The following CTNNA3 variants were observed in gnomAD, a reference collection of about 807,000 sequenced individuals.
The protein encoded by CTNNA3 is catenin alpha 3.
A neutral mutation model predicts 95.7 loss-of-function variants in CTNNA3; 76 were observed. The observed-to-expected ratio is 0.79, with a 90% CI of 0.66 to 0.96. CTNNA3 has a LOEUF of 0.96. CTNNA3 is among the 40% of genes least tolerant of loss of function. The probability of loss-of-function intolerance (pLI) is 0.00; values close to 1 mark genes in which losing one functional copy is unlikely to be tolerated. For synonymous variants in CTNNA3, 431 were observed against 374.4 expected (o/e 1.15, Z -1.74); for missense variants, 1,191 against 1,089.8 (o/e 1.09, Z -1.31).
intron 5 of CTNNA3, among the ~76,000 whole-genome samples, chr10:67,399,644 C>T (rs994888520): frequency 6.6e-6 from 1 of 152,164 alleles, no homozygotes; most frequent in Non-Finnish European, 1.5e-5. Context: ...TCTTCACCAC[C>T]CAACTCACAT....
At chr10:66,321,689 AT>A (rs1407809240) in intron 12 of CTNNA3, among the ~76,000 whole-genome samples, 2 of 152,154 alleles carry the variant, frequency 1.3e-5, no homozygotes, top group East Asian at 1.9e-4. Context: ...GATATAACAT[AT>A]TTTTATACTC....
chr10:67,248,342 A>C (rs1204069149), intron 5 of CTNNA3, among the ~76,000 whole-genome samples: 1 of 152,172 alleles, frequency 6.6e-6, no homozygotes, highest in East Asian at 1.9e-4. Context: ...TGTCAAAGAA[A>C]AAAAGAACAA....
At chr10:67,086,802 ATC>A (rs1857336937) in intron 7 of CTNNA3, among the ~76,000 whole-genome samples, 1 of 152,020 alleles carries the variant, frequency 6.6e-6, no homozygotes, top group Non-Finnish European at 1.5e-5. Flanking sequence ...AAACACTAGT[ATC>A]TGTTATGTTT....
chr10:67,251,511 A>G (rs1203555260), intron 5 of CTNNA3, among the ~76,000 whole-genome samples: 1 of 152,192 alleles, frequency 6.6e-6, no homozygotes, highest in Non-Finnish European at 1.5e-5. Flanking sequence ...GTTAGAAATA[A>G]AGACAAAGAC....
At chr10:67,076,997 CTT>C (rs1446601393) in intron 7 of CTNNA3, among the ~76,000 whole-genome samples, 2 of 152,212 alleles carry the variant, frequency 1.3e-5, no homozygotes, top group South Asian at 2.1e-4. Flanking sequence ...TGCATTGTCT[CTT>C]GTTTCAGGCA....
At chr10:67,413,604 C>G (rs1357056868) in intron 5 of CTNNA3, among the ~76,000 whole-genome samples, 2 of 151,992 alleles carry the variant, frequency 1.3e-5, no homozygotes, top group Non-Finnish European at 2.9e-5. Context: ...ATAAAGCACT[C>G]CATCCAACAA....
intron 7 of CTNNA3, among the ~76,000 whole-genome samples, chr10:67,082,153 G>T (rs1208322293): frequency 6.6e-6 from 1 of 152,038 alleles, no homozygotes; most frequent in Non-Finnish European, 1.5e-5. Flanking sequence ...AAAAAACAGA[G>T]AATTTTTATA....
chr10:66,519,155 T>C lies in CTNNA3; in HGVS notation c.1531+1462A>G, dbSNP rs1246281361. On this transcript the variant is annotated intron_variant, in intron 11 of 17. Coordinates refer to ENST00000433211, the MANE Select transcript of CTNNA3 (RefSeq NM_013266.4). ...TAATTTATTTTAGACAGAGGATTAC[T>C]TTTTGAGAGAATAAAAAAGACGAAA... Among the ~76,000 whole-genome samples the C allele has an allele frequency of 2.0e-5, 3 of 152,104 alleles. No individual in the cohort carries two copies. The East Asian group carries it at 5.8e-4, about 29-fold the overall frequency.
intron 5 of CTNNA3, among the ~76,000 whole-genome samples, chr10:67,347,823 T>A (rs556895315): frequency 7.1e-5 from 9 of 126,508 alleles, no homozygotes; most frequent in Admixed American, 4.6e-4. Context: ...TAAAATTTAG[T>A]GTTTTCCTGA....
intron 10 of CTNNA3, among the ~76,000 whole-genome samples, chr10:66,578,484 A>G (rs1025032594): frequency 2.0e-5 from 3 of 152,030 alleles, no homozygotes; most frequent in African/African-American, 7.2e-5. Flanking sequence ...ATTTAGAGAT[A>G]TGTTCTATTG....
intron 7 of CTNNA3, among the ~76,000 whole-genome samples, chr10:66,850,584 T>A (rs1001305414): frequency 6.6e-6 from 1 of 152,242 alleles, no homozygotes; most frequent in East Asian, 1.9e-4. Context: ...TGGTAGTGTA[T>A]CCTATATGAT....
intron 7 of CTNNA3, among the ~76,000 whole-genome samples, chr10:66,900,988 G>GT (rs1845718494): frequency 6.6e-6 from 1 of 152,188 alleles, no homozygotes; most frequent in African/African-American, 2.4e-5. Flanking sequence ...CCCCAGTCTA[G>GT]CAAAGCAGGC....
At chr10:67,591,959 A>G (rs1842801226) in intron 3 of CTNNA3, among the ~76,000 whole-genome samples, 1 of 152,174 alleles carries the variant, frequency 6.6e-6, no homozygotes, top group African/African-American at 2.4e-5. Flanking sequence ...CCCAACCTTC[A>G]AGCAAAGGAA....
At chr10:66,133,090 G>A (rs1261693122) in intron 13 of CTNNA3, among the ~76,000 whole-genome samples, 1 of 151,154 alleles carries the variant, frequency 6.6e-6, no homozygotes, top group Non-Finnish European at 1.5e-5. Context: ...AAATGTACTT[G>A]AAAAAAAATA....
At chr10:67,294,810 C>A (rs1490786584) in intron 5 of CTNNA3, among the ~76,000 whole-genome samples, 1 of 152,158 alleles carries the variant, frequency 6.6e-6, no homozygotes, top group South Asian at 2.1e-4. Flanking sequence ...GGAAAATAAG[C>A]AGATGAGGTC....
chr10:67,487,107 C>T (rs2133069122), intron 5 of CTNNA3, among the ~76,000 whole-genome samples: 1 of 152,270 alleles, frequency 6.6e-6, no homozygotes, highest in East Asian at 1.9e-4. Context: ...AACCAAGATG[C>T]TACTGACTGC....
chr10:67,266,723 AC>A (rs762567436), intron 5 of CTNNA3, among the ~76,000 whole-genome samples: 1 of 152,178 alleles, frequency 6.6e-6, no homozygotes, highest in Non-Finnish European at 1.5e-5. Flanking sequence ...TAGGAAGAAT[AC>A]ACTTTAAGAT....
intron 9 of CTNNA3, among the ~76,000 whole-genome samples, chr10:66,692,497 G>T (rs1847587616): frequency 6.6e-6 from 1 of 152,124 alleles, no homozygotes; most frequent in Non-Finnish European, 1.5e-5. Flanking sequence ...TGGTGTACCT[G>T]AAAGTGACGG....
chr10:66,327,221 A>G (rs905052867), intron 12 of CTNNA3, among the ~76,000 whole-genome samples: 1 of 152,106 alleles, frequency 6.6e-6, no homozygotes, highest in South Asian at 2.1e-4. Context: ...TTAAAAGTTT[A>G]AAAGCCAGCA....
Sources: gnomAD v4.1 joint callset for allele counts (sites outside exome capture counted in the v4.1 genomes callset) on GRCh38, gnomAD v4.1.1 for gene constraint, MANE v1.5 for transcripts, NCBI Gene and HGNC (gene_info 2026-07-23, HGNC 2026-07-21) for gene names.